The following TRIM68 variants were observed in gnomAD, a reference collection of about 807,000 sequenced individuals.
The protein encoded by TRIM68 is E3 ubiquitin-protein ligase TRIM68.
TRIM68 carries 36 observed loss-of-function variants against 41.9 expected under a neutral mutation model. That is an observed-to-expected ratio of 0.86 (90% CI 0.66 to 1.14). The LOEUF (loss-of-function observed/expected upper bound fraction) is 1.14, where lower values mean the gene tolerates loss of function less well. TRIM68 is among the 50% of genes most tolerant of loss of function. TRIM68 has a pLI of 0.00. For synonymous variants in TRIM68, 225 were observed against 224.6 expected, an observed-to-expected ratio of 1.00 and a Z score of -0.02; for missense variants, 632 against 605.1, an observed-to-expected ratio of 1.04 and a Z score of -0.47.
At chr11:4,601,466 A>G in intron 5 of TRIM68, 198 bp downstream of exon 5, 1 of 617,510 alleles carries the variant, frequency 1.6e-6, no homozygotes. Flanking sequence ...CTTGATATAC[A>G]TTTGATCAAG....
intron 2 of TRIM68, 121 bp from the exon 3 acceptor site, chr11:4,603,461 G>A (rs1232228703): frequency 7.3e-6 from 6 of 822,896 alleles, no homozygotes; most frequent in Non-Finnish European, 1.2e-5. Flanking sequence ...GTGGGGAAAG[G>A]GAATGCCACA....
chr11:4,603,853 G>A (rs182610811), intron 2 of TRIM68, among the ~76,000 whole-genome samples: 1 of 152,276 alleles, frequency 6.6e-6, no homozygotes, highest in East Asian at 1.9e-4. Flanking sequence ...GAATAGTAAT[G>A]CAAGGGATTT....
Position 4,600,177 on chromosome 11 carries a change from C to G in TRIM68, c.*99G>C. 1 of 1,220,788 alleles carries G rather than the reference C, an allele frequency of 8.2e-7. No individual in the cohort carries two copies. Among genetic ancestry groups the G allele is most frequent in the Non-Finnish European group, 1.1e-6 (1 of 881,500 alleles). 75.6% of individuals were successfully genotyped at this position (1,220,788 alleles called of 1,614,324 possible). A position where few individuals can be genotyped will look rare whatever the true frequency, so the allele number is the denominator to read the frequency against. ...CAGAGGAATCCTTGGATACTGGGCTCAGCTCAGTTTCAGGGGATACCTGTC... is the reference window on the plus strand; with the variant it reads ...CAGAGGAATCCTTGGATACTGGGCTGAGCTCAGTTTCAGGGGATACCTGTC... On this transcript the variant is annotated 3_prime_UTR_variant, in exon 7 of 7. Coordinates refer to ENST00000300747, the MANE Select transcript of TRIM68 (RefSeq NM_018073.8).
At chr11:4,602,439 CT>C in intron 3 of TRIM68, 27 bp from the exon 4 acceptor site, 1 of 1,609,728 alleles carries the variant, frequency 6.2e-7, no homozygotes, top group Non-Finnish European at 8.5e-7. Context: ...GAAATCAGCA[CT>C]GATACTTTCA....
At chr11:4,607,720 C>G (rs1846589117) in intron 1 of TRIM68, among the ~76,000 whole-genome samples, 1 of 152,346 alleles carries the variant, frequency 6.6e-6, no homozygotes, top group South Asian at 2.1e-4. Context: ...TAATGTTTGA[C>G]TTTTTATTAT....
At chr11:4,603,590 C>G (rs1189384593) in intron 2 of TRIM68, among the ~76,000 whole-genome samples, 1 of 152,206 alleles carries the variant, frequency 6.6e-6, no homozygotes, top group African/African-American at 2.4e-5. Flanking sequence ...TACAACCTCT[C>G]CACAAAAGTA....
Position 4,605,463 on chromosome 11 carries a change from C to G in TRIM68, c.42G>C (p.Val14=). ...GGAAGGTCATACAGATGGGACAGGC[C>G]ACTTCTTCCACAATGGCTTCCACCA... is the stretch of plus-strand genomic sequence containing the variant. ...TALVEAIVEE[V]ACPICMTFLR... Residue 14 remains valine (V), a synonymous_variant, in exon 2 of 7, where the codon GTG becomes GTC. Transcript: ENST00000300747. 1 of 1,612,404 alleles carries G rather than the reference C, an allele frequency of 6.2e-7. No individual in the cohort carries two copies. The highest frequency in any genetic ancestry group is 8.5e-7 in the Non-Finnish European group (1 of 1,178,650).
chr11:4,602,766 T>C (rs1216181768), intron 3 of TRIM68, among the ~76,000 whole-genome samples: 1 of 152,252 alleles, frequency 6.6e-6, no homozygotes, highest in Non-Finnish European at 1.5e-5. Context: ...ATGTTGATAT[T>C]ATATCTGTTC....
intron 3 of TRIM68, among the ~76,000 whole-genome samples, chr11:4,602,654 A>G (rs960215977): frequency 1.1e-4 from 16 of 152,226 alleles, no homozygotes; most frequent in Non-Finnish European, 8.8e-5. Flanking sequence ...TTAATACTAC[A>G]TGCTCTAGAC....
In TRIM68 at chr11:4,603,197, C is replaced by T; in HGVS notation, c.522+48G>A. 6 of 1,570,632 alleles carry T rather than the reference C, an allele frequency of 3.8e-6. No homozygotes were observed. In the East Asian group the frequency reaches 1.3e-4, roughly 35 times the overall value. ...ATGCTACCCTAGGCCAGCTCCAGGA[C>T]CACACAGGACGACTGACACAAACTC... On this transcript the variant is annotated intron_variant, in intron 3 of 6. Coordinates refer to ENST00000300747, the MANE Select transcript of TRIM68 (RefSeq NM_018073.8).
chr11:4,600,872 G>T (rs2231974), intron 6 of TRIM68, 46 bp from the exon 7 acceptor site: 2 of 1,587,762 alleles, frequency 1.3e-6, no homozygotes, highest in South Asian at 2.3e-5. Context: ...AGGGCCAGGG[G>T]ACATGGGTGA....
In TRIM68 at chr11:4,600,475, G is replaced by A; in HGVS notation, c.1259C>T (p.Pro420Leu). The change falls in exon 7 of 7, where the codon CCT (proline) becomes CTT (leucine). Residue 420 changes from proline (P) to leucine (L), a missense_variant. Transcript: ENST00000300747. ...EYPILSLPVP[P>L]RRVGIFVDYE... Reference sequence around the variant, plus strand: ...ATCCACGAAGATTCCCACCCGGCGAGGAGGGACCGGCAAGGACAGGATTGG... The same window carrying A: ...ATCCACGAAGATTCCCACCCGGCGAAGAGGGACCGGCAAGGACAGGATTGG... 6.2e-7 allele frequency: 1 copy of A among 1,613,530 alleles called. No homozygotes were observed. Among genetic ancestry groups the A allele is most frequent in the South Asian group, 1.1e-5 (1 of 90,960 alleles).
rs1050848066 is a variant in TRIM68 at position 4,602,196 on chromosome 11, C to G, written c.739G>C (p.Glu247Gln). 3 of 1,614,182 alleles carry G rather than the reference C, an allele frequency of 1.9e-6. No homozygotes were observed. The highest frequency in any genetic ancestry group is 1.7e-6 in the Non-Finnish European group (2 of 1,180,028). ...QSQVLWRMIAELKERSQRPVR... is the reference protein window; with the variant it reads ...QSQVLWRMIAQLKERSQRPVR... ...GGCCTCTGCGACCTCTCTTTCAACT[C>G]TGCAATCATCCTCCACAGGACCTGG... Residue 247 changes from glutamate to glutamine, a missense_variant, in exon 4 of 7, where the codon GAG becomes CAG. Glu to Gln is a conservative substitution (Grantham distance 29). Coordinates refer to ENST00000300747, the MANE Select transcript of TRIM68 (RefSeq NM_018073.8).
rs1369202533 is a variant in TRIM68, at chr11:4,602,284, C to T, written c.651G>A (p.Gln217=). Residue 217 remains glutamine, a synonymous_variant, in exon 4 of 7, where the codon CAG becomes CAA. Coordinates refer to ENST00000300747, the MANE Select transcript of TRIM68 (RefSeq NM_018073.8). ...AEVAAALASL[Q]REAAETMQKL... ...TCTGCATGGTCTCCGCTGCCTCCCGCTGTAGGCTGGCCAGAGCTGCTGCTA... is the reference window on the plus strand; with the variant it reads ...TCTGCATGGTCTCCGCTGCCTCCCGTTGTAGGCTGGCCAGAGCTGCTGCTA... 6.2e-7 allele frequency: 1 copy of T among 1,614,248 alleles called. No individual in the cohort carries two copies. Among genetic ancestry groups the T allele is most frequent in the Admixed American group, 1.7e-5 (1 of 60,026 alleles).
chr11:4,600,790 CG>C lies in TRIM68; in HGVS notation c.943del (p.Arg315ValfsTer65). The C allele has an allele frequency of 1.2e-6, 2 of 1,613,930 alleles. No homozygotes were observed. The highest frequency in any genetic ancestry group is 3.3e-5 in the Admixed American group (2 of 60,014). On this transcript the variant is annotated frameshift_variant, in exon 7 of 7. Transcript: ENST00000300747. LOFTEE classifies it low-confidence loss of function (END_TRUNC). ...VRLDPDTAYS[R>X]LIVSEDRKRV... ...TTTTCTGTCCTCAGACACGATGAGA[CG>C]GGAGTAAGCAGTATCTGGATCCAAG...
chr11:4,606,691 C>A (rs1846575271), intron 1 of TRIM68, among the ~76,000 whole-genome samples: 1 of 152,236 alleles, frequency 6.6e-6, no homozygotes, highest in Non-Finnish European at 1.5e-5. Flanking sequence ...TGGTTTATTT[C>A]ACAACCCTAG....
rs546128294 is a variant in TRIM68 at position 4,602,182 on chromosome 11, C to A, written c.753G>T (p.Arg251Ser). 5 of 1,614,060 alleles carry A rather than the reference C, an allele frequency of 3.1e-6. No individual in the cohort carries two copies. The highest frequency in any genetic ancestry group is 4.2e-6 in the Non-Finnish European group (5 of 1,180,032). Residue 251 changes from arginine to serine, a missense_variant, in exon 4 of 7, where the codon AGG (arginine) becomes AGT (serine). Transcript: ENST00000300747. ...ACATCCAGCGGACAGGCCTCTGCGA[C>A]CTCTCTTTCAACTCTGCAATCATCC... ...LWRMIAELKE[R>S]SQRPVRWMLQ... is the part of the protein sequence containing the mutation.
chr11:4,600,929 T>C (rs2231972), intron 6 of TRIM68, 98 bp downstream of exon 6: 1,383,323 of 1,563,796 alleles, frequency 0.88, 613,771 homozygotes, highest in South Asian at 0.96. Context: ...GATGAAGGGG[T>C]GAGGCTGGAT....
chr11:4,604,344 G>A (rs538777299), intron 2 of TRIM68, among the ~76,000 whole-genome samples: 1 of 152,302 alleles, frequency 6.6e-6, no homozygotes, highest in East Asian at 1.9e-4. Context: ...GTCATTATGG[G>A]CATCTGATGA....
Sources: allele counts gnomAD v4.1 joint callset (sites outside exome capture counted in the v4.1 genomes callset), GRCh38; gene constraint gnomAD v4.1.1; transcripts MANE v1.5; gene names NCBI Gene and HGNC (gene_info 2026-07-23, HGNC 2026-07-21).